TMEM178B: variants seen among roughly 807,000 people sequenced by gnomAD.
TMEM178B encodes transmembrane protein 178B.
A neutral mutation model predicts 31.0 loss-of-function variants in TMEM178B; 5 were observed. The ratio of observed to expected loss-of-function variants is 0.16; its 90% CI spans 0.08 to 0.34. TMEM178B has a LOEUF of 0.34. TMEM178B is among the 10% of genes least tolerant of loss of function. The pLI is 1.00. For synonymous variants in TMEM178B, 164 were observed against 164.0 expected (o/e 1.00, Z 0.00); for missense variants, 275 against 400.3 (o/e 0.69, Z 2.67).
intron 2 of TMEM178B, among the ~76,000 whole-genome samples, chr7:141,287,609 G>C (rs960098678): frequency 6.6e-6 from 1 of 152,274 alleles, no homozygotes; most frequent in African/African-American, 2.4e-5. Context: ...GCTTTAGCTT[G>C]GGCTTTTGAG....
intron 1 of TMEM178B, among the ~76,000 whole-genome samples, chr7:141,189,243 G>T (rs865929418): frequency 4.8e-4 from 73 of 152,392 alleles, no homozygotes; most frequent in African/African-American, 1.7e-3. Flanking sequence ...CAAGAGCAAA[G>T]CTCTAATGGA....
chr7:141,458,680 A>C (rs1019506788), intron 3 of TMEM178B, among the ~76,000 whole-genome samples: 3 of 152,160 alleles, frequency 2.0e-5, no homozygotes, highest in African/African-American at 7.2e-5. Flanking sequence ...TTCCATTTCT[A>C]ATATTATACC....
intron 2 of TMEM178B, among the ~76,000 whole-genome samples, chr7:141,231,204 C>G (rs1013353795): frequency 6.6e-6 from 1 of 151,844 alleles, no homozygotes; most frequent in African/African-American, 2.4e-5. Flanking sequence ...CTGGTGCATA[C>G]AGAAGGCAAG....
At chr7:141,121,145 T>A (rs1346636953) in intron 1 of TMEM178B, among the ~76,000 whole-genome samples, 3 of 152,170 alleles carry the variant, frequency 2.0e-5, no homozygotes, top group Non-Finnish European at 2.9e-5. Context: ...AAATCCCTTG[T>A]CAGTGTTTAC....
At chr7:141,487,673 A>G in the TMEM178B span, among the ~76,000 whole-genome samples, 3 of 142,024 alleles carry the variant, frequency 2.1e-5, no homozygotes, top group Middle Eastern at 3.6e-3. Context: ...CCCGGGAGGC[A>G]GAGGTTGCAG....
At chr7:141,314,577 A>G (rs1460987658) in intron 2 of TMEM178B, among the ~76,000 whole-genome samples, 1 of 152,154 alleles carries the variant, frequency 6.6e-6, no homozygotes, top group Non-Finnish European at 1.5e-5. Context: ...CCAAGATGAC[A>G]CACTTTGAGG....
At chr7:141,080,568 C>T (rs912593339) in intron 1 of TMEM178B, among the ~76,000 whole-genome samples, 2 of 152,246 alleles carry the variant, frequency 1.3e-5, no homozygotes, top group Non-Finnish European at 2.9e-5. Context: ...TGCAGTGAGC[C>T]GAGATCGTGC....
chr7:141,142,171 T>C (rs1203667795), intron 1 of TMEM178B, among the ~76,000 whole-genome samples: 1 of 147,672 alleles, frequency 6.8e-6, no homozygotes, highest in Non-Finnish European at 1.5e-5. Flanking sequence ...ATTCCTACAT[T>C]AATTTGCTTA....
At chr7:141,276,927 G>GT (rs555188554) in intron 2 of TMEM178B, among the ~76,000 whole-genome samples, 49 of 152,288 alleles carry the variant, frequency 3.2e-4, no homozygotes, top group African/African-American at 1.2e-3. Flanking sequence ...AAATAGTACA[G>GT]TAAAAACATG....
intron 2 of TMEM178B, chr7:141,429,639 A>G (rs1239103028): frequency 1.3e-5 from 2 of 152,200 alleles, no homozygotes; most frequent in Non-Finnish European, 2.9e-5. Flanking sequence ...CAGTAAGGTG[A>G]CTATTGTTAA....
intron 2 of TMEM178B, among the ~76,000 whole-genome samples, chr7:141,368,979 G>A (rs563039602): frequency 2.0e-5 from 3 of 152,280 alleles, no homozygotes; most frequent in South Asian, 2.1e-4. Context: ...CATGTGGGCC[G>A]TGGGCCCCTC....
intron 2 of TMEM178B, among the ~76,000 whole-genome samples, chr7:141,283,735 C>T (rs1217123384): frequency 6.6e-6 from 1 of 152,118 alleles, no homozygotes; most frequent in Non-Finnish European, 1.5e-5. Flanking sequence ...GGGAGGACCG[C>T]ATGACAGTTG....
chr7:141,222,317 G>A (rs1272087619), intron 2 of TMEM178B, among the ~76,000 whole-genome samples: 1 of 152,052 alleles, frequency 6.6e-6, no homozygotes, highest in Non-Finnish European at 1.5e-5. Flanking sequence ...TGTTTTTGAT[G>A]TACTCCTTTA....
intron 1 of TMEM178B, among the ~76,000 whole-genome samples, chr7:141,199,281 A>T (rs1381381519): frequency 6.6e-6 from 1 of 152,220 alleles, no homozygotes; most frequent in African/African-American, 2.4e-5. Flanking sequence ...ACAACAGAAG[A>T]CTGTGAAATG....
intron 2 of TMEM178B, among the ~76,000 whole-genome samples, chr7:141,315,442 C>G (rs1563149246): frequency 1.3e-5 from 2 of 152,286 alleles, no homozygotes; most frequent in South Asian, 4.1e-4. Context: ...CACACCTATG[C>G]TTTTGCTAGT....
intron 2 of TMEM178B, among the ~76,000 whole-genome samples, chr7:141,329,433 G>C (rs892578639): frequency 6.6e-6 from 1 of 152,278 alleles, no homozygotes. Context: ...GCAAGGCAGC[G>C]TACAGCCTCT....
Position 141,279,105 on chromosome 7 carries a change from C to T in TMEM178B, c.496+66401C>T, listed in dbSNP as rs987043189. On this transcript the variant is annotated intron_variant, in intron 2 of 3. Transcript: ENST00000565468. ...CAAACAGAGGTCATATGCTGACCGTCGATGGGTCCTTGTCTTGGATTAGTT... is the reference window on the plus strand; with the variant it reads ...CAAACAGAGGTCATATGCTGACCGTTGATGGGTCCTTGTCTTGGATTAGTT... Among the ~76,000 whole-genome samples, 7 of 152,306 alleles carry T rather than the reference C, an allele frequency of 4.6e-5. No homozygotes were observed. The South Asian group carries it at 1.0e-3, about 23-fold the overall frequency.
intron 1 of TMEM178B, among the ~76,000 whole-genome samples, chr7:141,192,384 G>T (rs1223346292): frequency 2.0e-5 from 3 of 152,074 alleles, no homozygotes; most frequent in African/African-American, 4.8e-5. Flanking sequence ...GGGGGTGGCT[G>T]GTCCAGCAGA....
chr7:141,374,068 C>T (rs1800167488), intron 2 of TMEM178B, among the ~76,000 whole-genome samples: 1 of 152,132 alleles, frequency 6.6e-6, no homozygotes, highest in African/African-American at 2.4e-5. Context: ...TTAGATCCAC[C>T]CTGTAGCTGA....
Sources: allele counts gnomAD v4.1 joint callset (sites outside exome capture counted in the v4.1 genomes callset), GRCh38; gene constraint gnomAD v4.1.1; transcripts MANE v1.5; gene names NCBI Gene and HGNC (gene_info 2026-07-23, HGNC 2026-07-21).